SLC35E4: variants seen among roughly 807,000 people sequenced by gnomAD.
SLC35E4 encodes the protein solute carrier family 35, member E4.
Under a neutral mutation model 19.3 loss-of-function variants are expected in SLC35E4, and 15 were observed. The ratio of observed to expected loss-of-function variants is 0.78; its 90% confidence interval spans 0.52 to 1.20. The LOEUF is 1.20. Among genes scored for constraint, SLC35E4 ranks in the 50% most tolerant of loss-of-function variants. The pLI, the probability that SLC35E4 is intolerant of heterozygous loss-of-function variation, is 0.00. For synonymous variants in SLC35E4, 219 were observed against 219.9 expected (o/e 1.00, Z 0.04); for missense variants, 406 against 472.3 (o/e 0.86, Z 1.30).
At chr22:30,645,538 C>A (rs1397477323) in intron 1 of SLC35E4, among the ~76,000 whole-genome samples, 1 of 141,868 alleles carries the variant, frequency 7.0e-6, no homozygotes, top group African/African-American at 2.6e-5. Flanking sequence ...GAAGTTGCAG[C>A]AAGCCGAGAT....
downstream of SLC35E4, among the ~76,000 whole-genome samples, chr22:30,651,471 G>C (rs2088222143): frequency 8.7e-6 from 1 of 115,016 alleles, no homozygotes; most frequent in South Asian, 2.8e-4. Context: ...GTAGAGATGG[G>C]GTTTCACCAT....
chr22:30,665,400 C>G (rs1380248040), downstream of SLC35E4: 2 of 381,804 alleles, frequency 5.2e-6, no homozygotes, highest in African/African-American at 4.2e-5. Context: ...GTGAACCGAG[C>G]CACTTACAGT....
chr22:30,663,487 T>C (rs972377822), downstream of SLC35E4: 6 of 1,613,888 alleles, frequency 3.7e-6, no homozygotes, highest in Non-Finnish European at 5.1e-6. Context: ...TCAGGGATCA[T>C]TCCCACTGGG....
At chr22:30,637,728 T>C (rs1184077188) in intron 1 of SLC35E4, among the ~76,000 whole-genome samples, 8 of 152,220 alleles carry the variant, frequency 5.3e-5, no homozygotes, top group African/African-American at 1.9e-4. Context: ...CACTGTATTG[T>C]TCCCATTTGA....
rs1229284685 is a variant in SLC35E4 at position 30,636,472 on chromosome 22, C to G, written c.22C>G (p.His8Asp). 6.6e-7 allele frequency: 1 copy of G among 1,505,546 alleles called. No homozygotes were observed. The highest frequency in any genetic ancestry group is 8.9e-7 in the Non-Finnish European group (1 of 1,120,234). 93.3% of individuals were successfully genotyped at this position (1,505,546 alleles called of 1,614,324 possible). MCRCPPEHHDGRMTSAEV... is the reference protein window; with the variant it reads MCRCPPEDHDGRMTSAEV... ...GCGGATGTGCCGCTGCCCGCCGGAG[C>G]ACCATGATGGCAGGATGACCTCAGC... The change falls in exon 1 of 2, where the codon CAC (histidine) becomes GAC (aspartate). Residue 8 changes from histidine to aspartate, a missense_variant. Physicochemically the swap from His to Asp is moderately conservative, Grantham distance 81. Coordinates refer to ENST00000343605, the MANE Select transcript of SLC35E4 (RefSeq NM_001001479.4).
downstream of SLC35E4, chr22:30,652,112 G>A (rs2088232747): frequency 6.6e-6 from 1 of 152,234 alleles, no homozygotes. Context: ...AGGGAGCAGA[G>A]TTTTAAGGAC....
chr22:30,663,341 G>C, downstream of SLC35E4: 1 of 1,270,596 alleles, frequency 7.9e-7, no homozygotes. Flanking sequence ...GTTTTTTTCT[G>C]TATCAACAAA....
chr22:30,636,442 C>T lies in SLC35E4; in HGVS notation c.-9C>T, dbSNP rs561171574. On this transcript the variant is annotated 5_prime_UTR_variant, in exon 1 of 2. Coordinates refer to ENST00000343605, the MANE Select transcript of SLC35E4 (RefSeq NM_001001479.4). ...GAGCCCGCCTCCTGCCCTAGCCTCACTGGTGCGGATGTGCCGCTGCCCGCC... is the reference window on the plus strand; with the variant it reads ...GAGCCCGCCTCCTGCCCTAGCCTCATTGGTGCGGATGTGCCGCTGCCCGCC... 1.4e-6 allele frequency: 2 copies of T among 1,474,792 alleles called. No individual in the cohort carries two copies. Among genetic ancestry groups the T allele is most frequent in the African/African-American group, 2.8e-5 (2 of 71,278 alleles). 91.4% of individuals were successfully genotyped at this position (1,474,792 alleles called of 1,614,324 possible). A position where few individuals can be genotyped will look rare whatever the true frequency, so the allele number is the denominator to read the frequency against.
chr22:30,646,500 CG>C, intron 1 of SLC35E4, 97 bp from the exon 2 acceptor site: 1 of 1,401,414 alleles, frequency 7.1e-7, no homozygotes, highest in Non-Finnish European at 9.6e-7. Context: ...CCGAGGGGTC[CG>C]GGTAGGCTTC....
At chr22:30,664,257 C>T (rs2088574704), downstream of SLC35E4, among the ~76,000 whole-genome samples, 1 of 152,196 alleles carries the variant, frequency 6.6e-6, no homozygotes, top group Admixed American at 6.5e-5. Flanking sequence ...TCTCCAAACC[C>T]ACAGTCAGAC....
Position 30,637,010 on chromosome 22 carries a change from C to A in SLC35E4, c.560C>A (p.Thr187Asn), listed in dbSNP as rs1664757567. The A allele has an allele frequency of 6.2e-7, 1 of 1,600,408 alleles. No individual in the cohort carries two copies. The highest frequency in any genetic ancestry group is 8.5e-7 in the Non-Finnish European group (1 of 1,170,816). ...SLAGEFRTPP[T>N]GCGFLLAATC... ...GCTGGAGAGTTCCGGACACCCCCTA[C>A]CGGCTGTGGCTTCCTGCTCGCAGCC... The change falls in exon 1 of 2, where the codon ACC (threonine) becomes AAC (asparagine). Residue 187 changes from threonine to asparagine, a missense_variant. Physicochemically the swap from Thr to Asn is moderately conservative, Grantham distance 65. Transcript: ENST00000343605.
At chr22:30,638,569 T>G (rs1389675447) in intron 1 of SLC35E4, among the ~76,000 whole-genome samples, 1 of 150,242 alleles carries the variant, frequency 6.7e-6, no homozygotes, top group Non-Finnish European at 1.5e-5. Context: ...CCCAGCACTT[T>G]GGGAGGCCGA....
chr22:30,636,204 G>A lies in SLC35E4; in HGVS notation c.-247G>A. The A allele has an allele frequency of 2.0e-6, 1 of 507,206 alleles. No homozygotes were observed. Among genetic ancestry groups the A allele is most frequent in the Non-Finnish European group, 3.4e-6 (1 of 292,728 alleles). 31.4% of individuals were successfully genotyped at this position (507,206 alleles called of 1,614,324 possible). ...GCAGAGGTGCCTGGAGCCCACGCTT[G>A]AGCATCGGAGACCCTGGCATCCTAG... On this transcript the variant is annotated 5_prime_UTR_variant, in exon 1 of 2. Transcript: ENST00000343605.
intron 1 of SLC35E4, among the ~76,000 whole-genome samples, chr22:30,638,673 G>A (rs1009260174): frequency 1.3e-4 from 19 of 141,306 alleles, no homozygotes; most frequent in African/African-American, 4.3e-4. Flanking sequence ...TTAGCTGAGC[G>A]TGATGGTGGG....
chr22:30,667,019 A>T (rs1252642583), downstream of SLC35E4: 2 of 152,230 alleles, frequency 1.3e-5, no homozygotes, highest in Non-Finnish European at 2.9e-5. Flanking sequence ...AAATCACAAA[A>T]GATCTAAAGA....
intron 2 of SLC35E4, among the ~76,000 whole-genome samples, chr22:30,659,123 C>CAAAAAAAAAAAA (rs35939188): frequency 9.5e-6 from 1 of 104,716 alleles, no homozygotes; most frequent in Non-Finnish European, 1.8e-5. Context: ...GACTCCATCT[C>CAAAAAAAAAAAA]AAAAAAAAAA....
rs975522576 is a variant in SLC35E4 at position 30,641,284 on chromosome 22, G to T, written c.619+4215G>T. ...TGGAGTGGCATGTGCCTGGCATCGG[G>T]CTGCATCTTGACTCCTGCCAGCTCC... On this transcript the variant is annotated intron_variant, in intron 1 of 1. Transcript: ENST00000343605. Among the ~76,000 whole-genome samples, 3 of 152,206 alleles carry T rather than the reference G, an allele frequency of 2.0e-5. No homozygotes were observed. The East Asian group carries it at 5.8e-4, about 29-fold the overall frequency.
intron 2 of SLC35E4, among the ~76,000 whole-genome samples, chr22:30,653,621 C>CG (rs2088270958): frequency 1.3e-5 from 2 of 151,988 alleles, no homozygotes; most frequent in Admixed American, 1.3e-4. Flanking sequence ...GACCCGCCCC[C>CG]CCTCGGCCTC....
At chr22:30,637,200 G>T (rs2087966699) in intron 1 of SLC35E4, 131 bp downstream of exon 1, 2 of 1,361,374 alleles carry the variant, frequency 1.5e-6, no homozygotes, top group Non-Finnish European at 2.0e-6. Context: ...TGTGGAGGAA[G>T]CAGAACTGAG....
Sources: allele counts gnomAD v4.1 joint callset (sites outside exome capture counted in the v4.1 genomes callset), GRCh38; gene constraint gnomAD v4.1.1; transcripts MANE v1.5; gene names NCBI Gene and HGNC (gene_info 2026-07-23, HGNC 2026-07-21).